The following MACROD2 variants were observed in gnomAD, a reference collection of about 807,000 sequenced individuals.
The protein encoded by MACROD2 is mono-ADP ribosylhydrolase 2.
Under a neutral mutation model 70.4 loss-of-function variants are expected in MACROD2, and 36 were observed. The observed-to-expected ratio is 0.51, with a 90% CI of 0.39 to 0.68. The LOEUF (loss-of-function observed/expected upper bound fraction) is 0.68, where lower values mean the gene tolerates loss of function less well. Among genes scored for constraint, MACROD2 ranks in the 30% least tolerant of loss-of-function variants. MACROD2 has a pLI of 0.00. For synonymous variants in MACROD2, 172 were observed against 178.8 expected, an observed-to-expected ratio of 0.96 and a Z score of 0.30; for missense variants, 496 against 538.4, an observed-to-expected ratio of 0.92 and a Z score of 0.78.
chr20:14,684,536 C>T (rs1306957025), intron 4 of MACROD2, among the ~76,000 whole-genome samples: 1 of 152,024 alleles, frequency 6.6e-6, no homozygotes, highest in Non-Finnish European at 1.5e-5. Flanking sequence ...GGAATTATAC[C>T]ACTGAAATGG....
intron 5 of MACROD2, among the ~76,000 whole-genome samples, chr20:15,014,254 A>T (rs1446565124): frequency 6.6e-6 from 1 of 152,178 alleles, no homozygotes; most frequent in Non-Finnish European, 1.5e-5. Context: ...TAAAATTAAA[A>T]TGTTATCACA....
At chr20:14,648,857 C>T (rs1218228308) in intron 4 of MACROD2, among the ~76,000 whole-genome samples, 1 of 152,138 alleles carries the variant, frequency 6.6e-6, no homozygotes, top group East Asian at 1.9e-4. Flanking sequence ...ATAATATAAT[C>T]TTCACCTATG....
intron 8 of MACROD2, among the ~76,000 whole-genome samples, chr20:15,638,511 G>C (rs1251584740): frequency 1.3e-5 from 2 of 152,166 alleles, no homozygotes; most frequent in Non-Finnish European, 2.9e-5. Flanking sequence ...CAAGTCATTA[G>C]ACAAGACCAA....
At chr20:15,702,716 G>A (rs2050477936) in intron 8 of MACROD2, among the ~76,000 whole-genome samples, 1 of 151,848 alleles carries the variant, frequency 6.6e-6, no homozygotes, top group Non-Finnish European at 1.5e-5. Context: ...TCACTTTTGG[G>A]GACTTAGCCA....
chr20:14,932,592 G>A (rs2074305725), intron 5 of MACROD2, among the ~76,000 whole-genome samples: 1 of 152,102 alleles, frequency 6.6e-6, no homozygotes, highest in Admixed American at 6.5e-5. Flanking sequence ...CTGAGATAGA[G>A]TCTCAATCTG....
chr20:14,877,121 G>A (rs1286920183), intron 5 of MACROD2, among the ~76,000 whole-genome samples: 4 of 152,060 alleles, frequency 2.6e-5, no homozygotes, highest in Admixed American at 2.0e-4. Context: ...TGTGTCATCT[G>A]TGATTACTTT....
chr20:15,352,649 A>G (rs1008502737), intron 6 of MACROD2, among the ~76,000 whole-genome samples: 3 of 152,068 alleles, frequency 2.0e-5, no homozygotes, highest in Admixed American at 6.6e-5. Flanking sequence ...TGGTAAAAAC[A>G]TAACTCTCAG....
intron 10 of MACROD2, among the ~76,000 whole-genome samples, chr20:15,930,957 C>T (rs2065567239): frequency 6.6e-6 from 1 of 152,180 alleles, no homozygotes. Flanking sequence ...TCTCCCTACC[C>T]CTACTCTGTA....
chr20:16,016,093 C>G (rs2066925057), intron 15 of MACROD2, among the ~76,000 whole-genome samples: 1 of 151,918 alleles, frequency 6.6e-6, no homozygotes. Flanking sequence ...AAAAATAGGT[C>G]TTTTGGGTCC....
chr20:15,505,640 GCT>G (rs2047416738), intron 8 of MACROD2, among the ~76,000 whole-genome samples: 1 of 152,048 alleles, frequency 6.6e-6, no homozygotes, highest in African/African-American at 2.4e-5. Context: ...TATCTATACT[GCT>G]CTCCTCCCTA....
intron 7 of MACROD2, among the ~76,000 whole-genome samples, chr20:15,474,239 T>C (rs140869296): frequency 1.0e-3 from 154 of 152,340 alleles, no homozygotes; most frequent in African/African-American, 3.5e-3. Flanking sequence ...CATGGTTGAT[T>C]TATGCTTTAG....
chr20:15,016,615 G>C (rs2075123672), intron 5 of MACROD2, among the ~76,000 whole-genome samples: 1 of 151,990 alleles, frequency 6.6e-6, no homozygotes, highest in African/African-American at 2.4e-5. Flanking sequence ...TCTCTCTCTT[G>C]CTTCCTCTCT....
chr20:14,886,779 G>A (rs554692395), intron 5 of MACROD2, among the ~76,000 whole-genome samples: 2 of 152,192 alleles, frequency 1.3e-5, no homozygotes, highest in South Asian at 4.1e-4. Context: ...TATATTGGTT[G>A]TAGTAAACCC....
At chr20:14,799,511 A>G (rs1338558872) in intron 5 of MACROD2, among the ~76,000 whole-genome samples, 1 of 152,106 alleles carries the variant, frequency 6.6e-6, no homozygotes, top group Non-Finnish European at 1.5e-5. Context: ...ATTAACGAGG[A>G]AAGTATCACC....
chr20:14,544,836 C>T (rs761751409), intron 4 of MACROD2, among the ~76,000 whole-genome samples: 4 of 152,102 alleles, frequency 2.6e-5, no homozygotes, highest in Non-Finnish European at 5.9e-5. Context: ...TCCTGGCAGT[C>T]ATTAGTTGAG....
At chr20:15,468,367 G>C (rs917008622) in intron 7 of MACROD2, among the ~76,000 whole-genome samples, 1 of 152,116 alleles carries the variant, frequency 6.6e-6, no homozygotes, top group Non-Finnish European at 1.5e-5. Flanking sequence ...CCTTGATGGT[G>C]TCTTAACTAC....
chr20:16,021,141 G>T (rs542446744), intron 15 of MACROD2, among the ~76,000 whole-genome samples: 1 of 152,216 alleles, frequency 6.6e-6, no homozygotes, highest in Admixed American at 6.5e-5. Flanking sequence ...TTAAAAATAT[G>T]ACAACACTTC....
intron 3 of MACROD2, among the ~76,000 whole-genome samples, chr20:14,479,428 AG>A (rs1484753586): frequency 6.6e-6 from 1 of 152,124 alleles, no homozygotes; most frequent in Admixed American, 6.5e-5. Flanking sequence ...CTTCAATCCC[AG>A]GGAGGACTGA....
At chr20:14,638,543 G>A (rs1328686825) in intron 4 of MACROD2, among the ~76,000 whole-genome samples, 1 of 152,084 alleles carries the variant, frequency 6.6e-6, no homozygotes, top group Non-Finnish European at 1.5e-5. Context: ...ACCTGATTCT[G>A]CCAGGATTCA....
Sources: allele counts gnomAD v4.1 joint callset (sites outside exome capture counted in the v4.1 genomes callset), GRCh38; gene constraint gnomAD v4.1.1; transcripts MANE v1.5; gene names NCBI Gene and HGNC (gene_info 2026-07-23, HGNC 2026-07-21).